Variants in MAP7 observed in about 807,000 individuals in gnomAD.
MAP7 encodes microtubule associated protein 7.
In MAP7, 52 loss-of-function variants were observed where a neutral mutation model predicts 94.8. The observed-to-expected ratio is 0.55, with a 90% CI of 0.44 to 0.69. The LOEUF (loss-of-function observed/expected upper bound fraction) is 0.69. Ranked by LOEUF, MAP7 falls within the 30% of genes least tolerant of loss-of-function variation. The pLI is 0.00. For missense variants in MAP7, 940 were observed against 964.6 expected (o/e 0.97, Z 0.34); for synonymous variants, 350 against 357.0 (o/e 0.98, Z 0.22).
intron 1 of MAP7, among the ~76,000 whole-genome samples, chr6:136,538,746 G>A (rs896148676): frequency 1.4e-5 from 2 of 146,914 alleles, no homozygotes; most frequent in Non-Finnish European, 3.0e-5. Context: ...AGCCATGATG[G>A]TGCCACTTAA....
chr6:136,362,398 T>A, intron 11 of MAP7, 52 bp downstream of exon 11: 1 of 1,595,638 alleles, frequency 6.3e-7, no homozygotes, highest in Non-Finnish European at 8.6e-7. Context: ...GGGTGATGAG[T>A]TAATCCAAAG....
chr6:136,550,274 C>G lies in MAP7; in HGVS notation c.67+68G>C. 7.4e-7 allele frequency: 1 copy of G among 1,349,214 alleles called. No homozygotes were observed. Among genetic ancestry groups the G allele is most frequent in the Non-Finnish European group, 9.6e-7 (1 of 1,038,356 alleles). The allele number at this position is 1,349,214 out of a possible 1,614,324, so 83.6% of individuals were successfully genotyped here. A position where few individuals can be genotyped will look rare whatever the true frequency, so the allele number is the denominator to read the frequency against. On this transcript the variant is annotated intron_variant, in intron 1 of 17. Transcript: ENST00000354570. The surrounding 1 kb of genome is among the most constrained non-coding windows in gnomAD (Gnocchi z 5.1). ...CTGCCGGCGCCGGGTGATTTCGGTG[C>G]CAGCCCGCCGGCCCCGCTCGCCGTC... is the stretch of plus-strand genomic sequence containing the variant.
At chr6:136,377,194 T>G (rs1776425897) in intron 7 of MAP7, among the ~76,000 whole-genome samples, 1 of 152,222 alleles carries the variant, frequency 6.6e-6, no homozygotes, top group South Asian at 2.1e-4. Flanking sequence ...CTAAGCATGT[T>G]TCATATAATT....
Position 136,393,503 on chromosome 6 carries a change from G to GT in MAP7, c.245-3987dup, listed in dbSNP as rs375230179. Among the ~76,000 whole-genome samples the GT allele has an allele frequency of 3.1e-4, 47 of 152,280 alleles. 1 individual carries two copies. Among genetic ancestry groups the GT allele is most frequent in the African/African-American group, 1.1e-3 (45 of 41,548 alleles). On this transcript the variant is annotated intron_variant, in intron 3 of 17. Coordinates refer to ENST00000354570, the MANE Select transcript of MAP7 (RefSeq NM_003980.6). The stretch of plus-strand genomic sequence containing the variant: ...TAAATCTCACAGGTAGTTGAGACAA[G>GT]TGACCCATGGATGGCATTTGGAGAA...
At chr6:136,471,252 G>T (rs1239346392) in intron 1 of MAP7, among the ~76,000 whole-genome samples, 3 of 152,172 alleles carry the variant, frequency 2.0e-5, no homozygotes, top group African/African-American at 7.2e-5. Flanking sequence ...TTTGATCATG[G>T]TGGGTCTTAC....
intron 3 of MAP7, among the ~76,000 whole-genome samples, chr6:136,390,584 C>A (rs576360381): frequency 6.6e-6 from 1 of 152,180 alleles, no homozygotes; most frequent in African/African-American, 2.4e-5. Flanking sequence ...ACTTGGGAGG[C>A]GGATGTTGCA....
chr6:136,514,554 C>T (rs566254302), intron 1 of MAP7, among the ~76,000 whole-genome samples: 1 of 128,324 alleles, frequency 7.8e-6, no homozygotes, highest in Admixed American at 9.6e-5. Flanking sequence ...GCACTCCAGC[C>T]TGGGTGACAG....
chr6:136,510,243 G>A (rs1048475335), intron 1 of MAP7, among the ~76,000 whole-genome samples: 3 of 152,100 alleles, frequency 2.0e-5, no homozygotes, highest in African/African-American at 4.8e-5. Context: ...TTTGACAACC[G>A]GCTAGCAGCA....
chr6:136,493,695 T>C (rs747245656), intron 1 of MAP7, among the ~76,000 whole-genome samples: 111 of 152,222 alleles, frequency 7.3e-4, no homozygotes, highest in Non-Finnish European at 3.5e-4. Context: ...GTAATTCCTA[T>C]GAAACATGTT....
At chr6:136,419,419 T>A (rs1790538435) in intron 2 of MAP7, among the ~76,000 whole-genome samples, 1 of 152,216 alleles carries the variant, frequency 6.6e-6, no homozygotes, top group Non-Finnish European at 1.5e-5. Flanking sequence ...ATTTTATTTT[T>A]TTGAAACACA....
intron 1 of MAP7, among the ~76,000 whole-genome samples, chr6:136,512,703 A>G (rs955154950): frequency 6.6e-6 from 1 of 152,242 alleles, no homozygotes; most frequent in African/African-American, 2.4e-5. Context: ...TTGCTAAAAA[A>G]TGCGAAGAAT....
At chr6:136,412,652 A>G (rs1360388379) in intron 2 of MAP7, among the ~76,000 whole-genome samples, 1 of 152,180 alleles carries the variant, frequency 6.6e-6, no homozygotes, top group Non-Finnish European at 1.5e-5. Flanking sequence ...GATCTGAGGG[A>G]CTGGAACAGA....
At chr6:136,519,851 G>T (rs1370575531) in intron 1 of MAP7, among the ~76,000 whole-genome samples, 7 of 152,258 alleles carry the variant, frequency 4.6e-5, no homozygotes, top group Middle Eastern at 3.4e-3. Flanking sequence ...ATAGCACCTT[G>T]TAACTATATA....
intron 3 of MAP7, among the ~76,000 whole-genome samples, chr6:136,394,228 C>A (rs1459402631): frequency 1.3e-5 from 2 of 152,000 alleles, no homozygotes; most frequent in Non-Finnish European, 2.9e-5. Context: ...CGTGATCCAC[C>A]CACCTCGGCC....
chr6:136,412,141 G>C (rs1380030414), intron 2 of MAP7, among the ~76,000 whole-genome samples: 5 of 152,114 alleles, frequency 3.3e-5, no homozygotes, highest in African/African-American at 1.2e-4. Flanking sequence ...CCCGTCACTC[G>C]CCGGCCAAGG....
rs546653036 is a variant in MAP7 at position 136,379,655 on chromosome 6, A to G, written c.638-1787T>C. 4.6e-4 allele frequency among the ~76,000 whole-genome samples: 70 copies of G among 152,364 alleles called. 1 individual carries two copies. Among genetic ancestry groups the G allele is most frequent in the Middle Eastern group, 3.4e-3 (1 of 294 alleles). On this transcript the variant is annotated intron_variant, in intron 6 of 17. Coordinates refer to ENST00000354570, the MANE Select transcript of MAP7 (RefSeq NM_003980.6). The stretch of plus-strand genomic sequence containing the variant: ...AGTTAAACTCTTCCTTTTCTTAGAA[A>G]AACTGTACGATGACTGTGGCTTACA...
At chr6:136,354,963 C>G (rs1439048050) in intron 16 of MAP7, among the ~76,000 whole-genome samples, 1 of 152,142 alleles carries the variant, frequency 6.6e-6, no homozygotes, top group East Asian at 1.9e-4. Flanking sequence ...ATGGCTCATG[C>G]CTGTAATCCC....
intron 1 of MAP7, among the ~76,000 whole-genome samples, chr6:136,520,096 T>A (rs1189447609): frequency 6.6e-6 from 1 of 150,576 alleles, no homozygotes; most frequent in Non-Finnish European, 1.5e-5. Flanking sequence ...GCAAGCTACT[T>A]GGAAGGCTGA....
At chr6:136,405,058 C>A (rs1429433240) in intron 3 of MAP7, among the ~76,000 whole-genome samples, 1 of 152,112 alleles carries the variant, frequency 6.6e-6, no homozygotes, top group Non-Finnish European at 1.5e-5. Context: ...TTTGACTGAA[C>A]TATCATAAGG....
Sources: allele counts gnomAD v4.1 joint callset (sites outside exome capture counted in the v4.1 genomes callset), GRCh38; gene constraint gnomAD v4.1.1; non-coding constraint Gnocchi (gnomAD v3.1); transcripts MANE v1.5; gene names NCBI Gene and HGNC (gene_info 2026-07-23, HGNC 2026-07-21).